The following KDM4B variants were observed in gnomAD, a reference collection of about 807,000 sequenced individuals.
KDM4B encodes lysine-specific demethylase 4B.
In KDM4B, 32 loss-of-function variants were observed where a neutral mutation model predicts 125.2. That is an observed-to-expected ratio of 0.26 (90% CI 0.19 to 0.34). The LOEUF (loss-of-function observed/expected upper bound fraction) is 0.34, where lower values mean the gene tolerates loss of function less well. Ranked by LOEUF, KDM4B falls within the 10% of genes least tolerant of loss-of-function variation. KDM4B has a pLI of 1.00. For synonymous variants in KDM4B, 721 were observed against 677.9 expected, an observed-to-expected ratio of 1.06 and a Z score of -0.99; for missense variants, 1,190 against 1,577.7, an observed-to-expected ratio of 0.75 and a Z score of 4.16.
chr19:4,975,668 C>T (rs182372325), intron 1 of KDM4B, among the ~76,000 whole-genome samples: 140 of 151,456 alleles, frequency 9.2e-4, no homozygotes, highest in African/African-American at 3.3e-3. Flanking sequence ...TCTCGGCTCA[C>T]TGCAACCTCC....
chr19:5,045,765 T>C (rs1253247774), intron 5 of KDM4B, among the ~76,000 whole-genome samples: 1 of 152,090 alleles, frequency 6.6e-6, no homozygotes, highest in Non-Finnish European at 1.5e-5. Context: ...TGAGCCACCA[T>C]GTCCAGCCTA....
Position 5,082,315 on chromosome 19 carries a change from C to T in KDM4B, c.781-52C>T. 1 of 1,609,898 alleles carries T rather than the reference C, an allele frequency of 6.2e-7. No homozygotes were observed. The highest frequency in any genetic ancestry group is 8.5e-7 in the Non-Finnish European group (1 of 1,178,336). On this transcript the variant is annotated intron_variant, in intron 8 of 22. Transcript: ENST00000159111. This position sits in a 1 kb window ranked among gnomAD's most constrained non-coding sequence, Gnocchi z 5.4. Reference sequence around the variant, plus strand: ...GCTGGGAAGTGCCCACGTCCCATCCCCTGGTGCGCCTCTGGTGGCCCTGCC... The same window carrying T: ...GCTGGGAAGTGCCCACGTCCCATCCTCTGGTGCGCCTCTGGTGGCCCTGCC...
chr19:4,996,951 A>T (rs2145409541), intron 1 of KDM4B, among the ~76,000 whole-genome samples: 1 of 151,972 alleles, frequency 6.6e-6, no homozygotes, highest in South Asian at 2.1e-4. Flanking sequence ...AGCACCCCCT[A>T]GTCGTGACAA....
chr19:5,094,157 C>T (rs1322335118), intron 9 of KDM4B, among the ~76,000 whole-genome samples: 1 of 152,232 alleles, frequency 6.6e-6, no homozygotes, highest in African/African-American at 2.4e-5. Flanking sequence ...GTCTTTGTGT[C>T]CTCTTGTCTG....
chr19:5,013,449 C>T (rs2035791902), intron 1 of KDM4B, among the ~76,000 whole-genome samples: 1 of 152,164 alleles, frequency 6.6e-6, no homozygotes, highest in South Asian at 2.1e-4. Context: ...AAAACAGCAC[C>T]CGTTCATTCT....
Position 5,150,375 on chromosome 19 carries a change from G to C in KDM4B, c.3039G>C (p.Gly1013=). Residue 1013 remains glycine, a synonymous_variant, in exon 22 of 23, where the codon GGG becomes GGC. Coordinates refer to ENST00000159111, the MANE Select transcript of KDM4B (RefSeq NM_015015.3). Reference sequence around the variant, plus strand: ...CCCTGCAGGTGGAGTTTGAGGACGGGTCCCAGCTGACGGTGAAGCGTGGGG... The same window carrying C: ...CCCTGCAGGTGGAGTTTGAGGACGGCTCCCAGCTGACGGTGAAGCGTGGGG... The part of the protein sequence containing the change: ...SHIYQVEFED[G]SQLTVKRGDI... 1 of 1,551,332 alleles carries C rather than the reference G, an allele frequency of 6.4e-7. No homozygotes were observed. Among genetic ancestry groups the C allele is most frequent in the Non-Finnish European group, 8.7e-7 (1 of 1,146,934 alleles).
At chr19:5,011,073 G>A (rs896169693) in intron 1 of KDM4B, among the ~76,000 whole-genome samples, 1 of 152,152 alleles carries the variant, frequency 6.6e-6, no homozygotes, top group Non-Finnish European at 1.5e-5. Flanking sequence ...TGGCCATCAG[G>A]AGCCCCTCGC....
At chr19:5,057,029 C>CAT (rs2037423405) in intron 6 of KDM4B, among the ~76,000 whole-genome samples, 1 of 144,102 alleles carries the variant, frequency 6.9e-6, no homozygotes, top group Non-Finnish European at 1.5e-5. Flanking sequence ...GATATATATG[C>CAT]GTGTGTGTGT....
At chr19:5,139,516 G>A (rs553662142) in intron 18 of KDM4B, among the ~76,000 whole-genome samples, 5 of 152,328 alleles carry the variant, frequency 3.3e-5, no homozygotes, top group East Asian at 1.9e-4. Context: ...TCTCCCTTGC[G>A]GCTGGACGGA....
At chr19:5,032,764 TG>T in intron 2 of KDM4B, 101 bp from the exon 3 acceptor site, 1 of 1,130,570 alleles carries the variant, frequency 8.8e-7, no homozygotes, top group Non-Finnish European at 1.3e-6. Context: ...GTCCTCCTGG[TG>T]GCCACGGTAT....
rs775582235 is a variant in KDM4B, at chr19:5,134,021, C to T, written c.2045C>T (p.Pro682Leu). 3.7e-6 allele frequency: 6 copies of T among 1,609,118 alleles called. No individual in the cohort carries two copies. Among genetic ancestry groups the T allele is most frequent in the Non-Finnish European group, 4.2e-6 (5 of 1,178,772 alleles). The stretch of plus-strand genomic sequence containing the variant: ...AACGCAGCGGCTGCGCGCACGGAGC[C>T]CTACTGCGCCATCTGCACGCTCTTC... ...KFNAAAARTEPYCAICTLFYP... is the reference protein window; with the variant it reads ...KFNAAAARTELYCAICTLFYP... Residue 682 changes from proline to leucine, a missense_variant, in exon 14 of 23, where the codon CCC becomes CTC. By Grantham distance (98) the Pro-to-Leu change is moderately conservative. This residue lies in a region of KDM4B where 128 missense variants were observed against 137.8 expected (regional missense o/e 0.93). Coordinates refer to ENST00000159111, the MANE Select transcript of KDM4B (RefSeq NM_015015.3).
chr19:4,981,989 G>A (rs745693365), intron 1 of KDM4B, among the ~76,000 whole-genome samples: 1 of 152,148 alleles, frequency 6.6e-6, no homozygotes, highest in Non-Finnish European at 1.5e-5. Flanking sequence ...TTACTAAAAC[G>A]ATTACAAAAC....
At chr19:5,002,330 T>G (rs1480264004) in intron 1 of KDM4B, among the ~76,000 whole-genome samples, 1 of 152,112 alleles carries the variant, frequency 6.6e-6, no homozygotes, top group Non-Finnish European at 1.5e-5. Flanking sequence ...GGATTGCCTT[T>G]TGGCTTTGTT....
chr19:5,059,712 G>A (rs1170886999), intron 6 of KDM4B, among the ~76,000 whole-genome samples: 3 of 152,228 alleles, frequency 2.0e-5, no homozygotes, highest in African/African-American at 7.2e-5. Flanking sequence ...GGGGCCTGGC[G>A]GTCACCGTGT....
At chr19:5,107,052 G>A (rs1480193990) in intron 9 of KDM4B, among the ~76,000 whole-genome samples, 1 of 152,216 alleles carries the variant, frequency 6.6e-6, no homozygotes, top group Non-Finnish European at 1.5e-5. Context: ...CCTCACCTGA[G>A]TCCCCACCTC....
In KDM4B at chr19:4,988,627, G is replaced by A. The variant is rs577134614; in HGVS notation, c.-109+19397G>A. Among the ~76,000 whole-genome samples, 11 of 152,266 alleles carry A rather than the reference G, an allele frequency of 7.2e-5. No homozygotes were observed. The South Asian group carries it at 2.1e-3, about 29-fold the overall frequency. ...GCTAATGCACCTCTCAAAACTCAGG[G>A]GAGCTGTTACTTACGTTTACCAGCT... On this transcript the variant is annotated intron_variant, in intron 1 of 22. Coordinates refer to ENST00000159111, the MANE Select transcript of KDM4B (RefSeq NM_015015.3).
intron 1 of KDM4B, among the ~76,000 whole-genome samples, chr19:5,006,538 C>T (rs1463666289): frequency 2.0e-5 from 3 of 152,062 alleles, no homozygotes; most frequent in Admixed American, 6.5e-5. Flanking sequence ...TCTGGGAGGC[C>T]GAGGCAGGTG....
intron 1 of KDM4B, among the ~76,000 whole-genome samples, chr19:4,970,110 A>T (rs981137101): frequency 5.9e-5 from 9 of 152,106 alleles, no homozygotes; most frequent in Non-Finnish European, 1.0e-4. Context: ...GGGGTCTGCC[A>T]GGGCCCAGGT....
chr19:5,058,549 G>A (rs556875063), intron 6 of KDM4B, among the ~76,000 whole-genome samples: 145 of 152,270 alleles, frequency 9.5e-4, no homozygotes, highest in Admixed American at 7.5e-3. Flanking sequence ...GGCTGTAGGA[G>A]CAGGCTTTCG....
Sources: allele counts gnomAD v4.1 joint callset (sites outside exome capture counted in the v4.1 genomes callset), GRCh38; gene constraint gnomAD v4.1.1; regional missense constraint gnomAD v4.1.1; non-coding constraint Gnocchi (gnomAD v3.1); transcripts MANE v1.5; gene names NCBI Gene and HGNC (gene_info 2026-07-23, HGNC 2026-07-21).